Variants in GALNT16 observed in about 807,000 individuals in gnomAD.
The protein encoded by GALNT16 is polypeptide N-acetylgalactosaminyltransferase 16, also known as UDP-GalNAc:polypeptide N-acetylgalactosaminyltransferase-like protein 1.
Under a neutral mutation model 76.1 loss-of-function variants are expected in GALNT16, and 40 were observed. The ratio of observed to expected loss-of-function variants is 0.53; its 90% CI spans 0.41 to 0.68. GALNT16 has a LOEUF of 0.68. GALNT16 is among the 30% of genes least tolerant of loss of function. GALNT16 has a pLI of 0.00. For synonymous variants in GALNT16, 276 were observed against 285.2 expected (o/e 0.97, Z 0.32); for missense variants, 621 against 731.9 (o/e 0.85, Z 1.75).
At chr14:69,319,305 G>C (rs1202956045) in intron 1 of GALNT16, among the ~76,000 whole-genome samples, 1 of 152,230 alleles carries the variant, frequency 6.6e-6, no homozygotes, top group Non-Finnish European at 1.5e-5. Context: ...GCTCTCAGGG[G>C]AACATAGAGG....
At chr14:69,343,452 A>G (rs1377317725) in intron 12 of GALNT16, among the ~76,000 whole-genome samples, 1 of 152,272 alleles carries the variant, frequency 6.6e-6, no homozygotes, top group Non-Finnish European at 1.5e-5. Flanking sequence ...AAGAAGTTCC[A>G]GAACAATGTG....
intron 1 of GALNT16, among the ~76,000 whole-genome samples, chr14:69,305,321 A>C (rs1322441009): frequency 2.6e-5 from 4 of 151,704 alleles, no homozygotes; most frequent in African/African-American, 9.7e-5. Flanking sequence ...GTGCCACCAT[A>C]CCTGGCTAAT....
At chr14:69,273,974 G>A (rs1169440505) in intron 1 of GALNT16, among the ~76,000 whole-genome samples, 1 of 152,168 alleles carries the variant, frequency 6.6e-6, no homozygotes, top group Admixed American at 6.5e-5. Flanking sequence ...TCTGATGATG[G>A]CTTTGTTCAG....
intron 1 of GALNT16, among the ~76,000 whole-genome samples, chr14:69,279,771 G>C (rs559478966): frequency 2.4e-4 from 36 of 152,226 alleles, no homozygotes; most frequent in Non-Finnish European, 7.3e-5. Flanking sequence ...AAGGCTTGGC[G>C]TAGTAACCCC....
chr14:69,312,327 A>G (rs1382453110), intron 1 of GALNT16, among the ~76,000 whole-genome samples: 3 of 152,182 alleles, frequency 2.0e-5, no homozygotes, highest in African/African-American at 4.8e-5. Context: ...CTGAAGTACA[A>G]TGATGGCATG....
intron 1 of GALNT16, among the ~76,000 whole-genome samples, chr14:69,275,310 GA>G (rs2044457982): frequency 6.6e-6 from 1 of 152,128 alleles, no homozygotes; most frequent in East Asian, 1.9e-4. Flanking sequence ...TATGCAAAGG[GA>G]GCAGGACCAC....
At chr14:69,321,760 A>G (rs1482121539) in intron 2 of GALNT16, among the ~76,000 whole-genome samples, 2 of 152,154 alleles carry the variant, frequency 1.3e-5, no homozygotes, top group African/African-American at 4.8e-5. Context: ...CCTCCATGGA[A>G]GGCTCCTTCC....
intron 10 of GALNT16, 91 bp downstream of exon 10, chr14:69,338,868 C>A: frequency 2.0e-6 from 2 of 1,023,818 alleles, no homozygotes; most frequent in Non-Finnish European, 2.8e-6. Flanking sequence ...TGACTGTGGG[C>A]AGCCACCTCA....
upstream of GALNT16, chr14:69,260,061 C>T (rs370614822): frequency 2.9e-5 from 14 of 486,088 alleles, no homozygotes; most frequent in East Asian, 3.4e-4. Context: ...AATGGGCGCC[C>T]GGGGGACGCG....
downstream of GALNT16, chr14:69,357,199 A>C (rs2045699484): frequency 1.3e-5 from 2 of 152,260 alleles, no homozygotes; most frequent in Admixed American, 6.5e-5. Context: ...GGGAGCAAGG[A>C]GAGGGAGCTC....
chr14:69,369,492 G>A, the GALNT16 span, among the ~76,000 whole-genome samples: 1 of 152,138 alleles, frequency 6.6e-6, no homozygotes, highest in Admixed American at 6.5e-5. Flanking sequence ...CTTTGGATGG[G>A]GTCCATGAGG....
chr14:69,274,036 A>C (rs758514625), intron 1 of GALNT16, among the ~76,000 whole-genome samples: 3 of 152,222 alleles, frequency 2.0e-5, no homozygotes, highest in Non-Finnish European at 4.4e-5. Context: ...CCAAAGTGTC[A>C]GGGTTCATAT....
At chr14:69,299,647 G>C (rs2044820981) in intron 1 of GALNT16, among the ~76,000 whole-genome samples, 1 of 152,198 alleles carries the variant, frequency 6.6e-6, no homozygotes, top group Non-Finnish European at 1.5e-5. Context: ...GGTGGAGGCT[G>C]AGTGAATTAT....
At chr14:69,328,623 G>A (rs780429319) in intron 6 of GALNT16, 52 bp downstream of exon 6, 5 of 1,581,062 alleles carry the variant, frequency 3.2e-6, no homozygotes, top group Non-Finnish European at 2.6e-6. Flanking sequence ...CAGCCACTAC[G>A]TTCCTGGCAC....
intron 2 of GALNT16, 51 bp from the exon 3 acceptor site, chr14:69,324,641 G>T (rs749533265): frequency 5.9e-6 from 6 of 1,012,352 alleles, no homozygotes; most frequent in South Asian, 2.9e-5. Context: ...ACATTGACCT[G>T]CCCTGAGGAT....
At chr14:69,285,402 CA>C (rs1391903142) in intron 1 of GALNT16, among the ~76,000 whole-genome samples, 3 of 150,808 alleles carry the variant, frequency 2.0e-5, no homozygotes, top group African/African-American at 7.4e-5. Flanking sequence ...ATAGGATTGT[CA>C]GGGGGATCAA....
the GALNT16 span, among the ~76,000 whole-genome samples, chr14:69,363,513 G>A: frequency 2.0e-5 from 3 of 152,258 alleles, no homozygotes; most frequent in East Asian, 5.8e-4. Flanking sequence ...ACTTCTTAGG[G>A]GTGCTGTGAG....
intron 1 of GALNT16, 169 bp downstream of exon 1, chr14:69,260,636 G>A (rs2044253229): frequency 1.4e-5 from 5 of 368,490 alleles, no homozygotes; most frequent in Admixed American, 5.1e-5. Flanking sequence ...AACCTCTGCC[G>A]GGCGGCGGGG....
chr14:69,267,537 T>G (rs1310674437), intron 1 of GALNT16, among the ~76,000 whole-genome samples: 5 of 152,088 alleles, frequency 3.3e-5, no homozygotes, highest in African/African-American at 4.8e-5. Context: ...CAGGGATGAC[T>G]TTGTCTCAGA....
Sources: gnomAD v4.1 joint callset for allele counts (sites outside exome capture counted in the v4.1 genomes callset) on GRCh38, gnomAD v4.1.1 for gene constraint, MANE v1.5 for transcripts, NCBI Gene and HGNC (gene_info 2026-07-23, HGNC 2026-07-21) for gene names.